Variants in NREP observed in about 807,000 individuals in gnomAD.
The protein encoded by NREP is neuronal regeneration-related protein.
In NREP, 5 loss-of-function variants were observed where a neutral mutation model predicts 8.6. The ratio of observed to expected loss-of-function variants is 0.58; its 90% CI spans 0.30 to 1.22. The LOEUF (loss-of-function observed/expected upper bound fraction) is 1.22, where lower values mean the gene tolerates loss of function less well. NREP is among the 50% of genes most tolerant of loss of function. The pLI, the probability that NREP is intolerant of heterozygous loss-of-function variation, is 0.07. For missense variants in NREP, 86 were observed against 82.5 expected (o/e 1.04, Z -0.17); for synonymous variants, 27 against 28.0 (o/e 0.96, Z 0.11).
At chr5:111,746,169 T>C (rs756317776) in intron 2 of NREP, among the ~76,000 whole-genome samples, 3 of 152,256 alleles carry the variant, frequency 2.0e-5, no homozygotes, top group South Asian at 2.1e-4. Context: ...TCTGATTGAA[T>C]TGATTGATTA....
At chr5:111,869,316 C>T (rs959444439) in intron 2 of NREP, among the ~76,000 whole-genome samples, 4 of 152,122 alleles carry the variant, frequency 2.6e-5, no homozygotes, top group African/African-American at 7.2e-5. Context: ...AATTTCCTTA[C>T]GTTCCATTTG....
chr5:111,852,887 C>T (rs1753343901), intron 2 of NREP, among the ~76,000 whole-genome samples: 2 of 152,118 alleles, frequency 1.3e-5, no homozygotes, highest in South Asian at 2.1e-4. Flanking sequence ...AATCACTAAA[C>T]CTCTCTGTGC....
intron 2 of NREP, among the ~76,000 whole-genome samples, chr5:111,926,396 A>C (rs996933375): frequency 3.9e-5 from 6 of 152,096 alleles, no homozygotes; most frequent in African/African-American, 1.4e-4. Flanking sequence ...ATGGCTGCTA[A>C]AAGAGCTGGG....
In NREP at chr5:111,730,893, A is replaced by G. The variant is rs1055975; in HGVS notation, c.*28T>C. ...ATGACCTCATCAATACCCATACACC[A>G]TATGTAATACAAATGGAGGTGTTAC... is the stretch of plus-strand genomic sequence containing the variant. On this transcript the variant is annotated 3_prime_UTR_variant, in exon 4 of 4. Coordinates refer to ENST00000257435, the MANE Select transcript of NREP (RefSeq NM_004772.4). The G allele has an allele frequency of 0.023, 36,361 of 1,612,420 alleles. 568 individuals carry two copies. The highest frequency in any genetic ancestry group is 0.073 in the Middle Eastern group (428 of 5,894).
intron 2 of NREP, among the ~76,000 whole-genome samples, chr5:111,958,118 T>C (rs1756376017): frequency 1.3e-5 from 2 of 151,920 alleles, no homozygotes; most frequent in Admixed American, 1.3e-4. Flanking sequence ...TATTTTTCAT[T>C]ATATCATAAA....
chr5:111,950,486 G>A (rs561478291), intron 2 of NREP, among the ~76,000 whole-genome samples: 4 of 152,012 alleles, frequency 2.6e-5, no homozygotes, highest in Non-Finnish European at 5.9e-5. Context: ...CATATGCATG[G>A]GCGAAGCCTT....
intron 2 of NREP, among the ~76,000 whole-genome samples, chr5:111,740,288 C>T (rs1477001754): frequency 6.6e-6 from 1 of 151,998 alleles, no homozygotes. Context: ...CAATTTTATG[C>T]TTTTGGGTAT....
Position 111,743,954 on chromosome 5 carries a change from C to G in NREP, c.4-8447G>C, listed in dbSNP as rs116725104. 6.1e-3 allele frequency among the ~76,000 whole-genome samples: 925 copies of G among 152,058 alleles called. 17 individuals are homozygous for G. The highest frequency in any genetic ancestry group is 0.021 in the African/African-American group (884 of 41,496). ...ATGAAAGAATAATTATTCAAAAATACGATTTCTTTTGTTAAAGCCTTCAGT... is the reference window on the plus strand; with the variant it reads ...ATGAAAGAATAATTATTCAAAAATAGGATTTCTTTTGTTAAAGCCTTCAGT... On this transcript the variant is annotated intron_variant, in intron 2 of 3. Coordinates refer to ENST00000257435, the MANE Select transcript of NREP (RefSeq NM_004772.4).
intron 2 of NREP, among the ~76,000 whole-genome samples, chr5:111,753,068 C>A (rs1750463514): frequency 6.6e-6 from 1 of 150,572 alleles, no homozygotes; most frequent in Non-Finnish European, 1.5e-5. Flanking sequence ...CAAAAAAAAA[C>A]ACAAAACTGT....
At chr5:111,875,621 A>G (rs553527378) in intron 2 of NREP, among the ~76,000 whole-genome samples, 1 of 152,346 alleles carries the variant, frequency 6.6e-6, no homozygotes, top group Non-Finnish European at 1.5e-5. Flanking sequence ...CAGTATTACA[A>G]TTTAAAAACA....
At chr5:111,919,973 ACCC>A (rs34120230) in intron 2 of NREP, among the ~76,000 whole-genome samples, 65,781 of 127,522 alleles carry the variant, frequency 0.52, 16,846 homozygotes, top group Non-Finnish European at 0.6. Context: ...TAAAAAGAAT[ACCC>A]CCCCCCCCCA....
Position 111,741,824 on chromosome 5 carries a change from TACACACACAC to T in NREP, c.4-6327_4-6318del, listed in dbSNP as rs112980817. ...CACTGACCTAATTTAAACACACACATACACACACACACACACACACACACACACACACACA... is the reference window on the plus strand; with the variant it reads ...CACTGACCTAATTTAAACACACACATACACACACACACACACACACACACA... On this transcript the variant is annotated intron_variant, in intron 2 of 3. Transcript: ENST00000257435. Among the ~76,000 whole-genome samples the T allele has an allele frequency of 2.6e-3, 188 of 73,486 alleles. 3 individuals are homozygous for T. The East Asian group carries it at 0.048, about 19-fold the overall frequency. The allele number at this position is 73,486 out of a possible 152,430, so 48.2% of individuals were successfully genotyped here.
chr5:111,943,496 C>T (rs1755889238), intron 2 of NREP, among the ~76,000 whole-genome samples: 1 of 152,078 alleles, frequency 6.6e-6, no homozygotes, highest in Non-Finnish European at 1.5e-5. Flanking sequence ...AACTTCTACC[C>T]TGAGCTCCAG....
intron 2 of NREP, among the ~76,000 whole-genome samples, chr5:111,830,141 G>C (rs935141100): frequency 1.3e-5 from 2 of 151,972 alleles, no homozygotes; most frequent in Non-Finnish European, 2.9e-5. Context: ...AAAATGTTAG[G>C]AGTTTTCAGC....
rs147169500 is a variant in NREP, at chr5:111,918,365, T to G, written c.135+56909A>C. Among the ~76,000 whole-genome samples the G allele has an allele frequency of 3.3e-5, 5 of 152,296 alleles. No homozygotes were observed. In the East Asian group the frequency reaches 9.7e-4, roughly 29 times the overall value. On this transcript the variant is annotated intron_variant, in intron 2 of 3. Transcript: ENST00000395634. Reference sequence around the variant, plus strand: ...GAATTAGAAAAAACTACTTTAAATTTTATATGAAACCAGAAAAGCACCCGT... The same window carrying G: ...GAATTAGAAAAAACTACTTTAAATTGTATATGAAACCAGAAAAGCACCCGT...
At chr5:111,967,971 C>T (rs1269225680) in intron 2 of NREP, among the ~76,000 whole-genome samples, 2 of 152,094 alleles carry the variant, frequency 1.3e-5, no homozygotes, top group Non-Finnish European at 1.5e-5. Context: ...GGTGCAATTA[C>T]TTTTGCACCA....
chr5:111,877,396 G>T (rs181487532), intron 2 of NREP, among the ~76,000 whole-genome samples: 1 of 152,100 alleles, frequency 6.6e-6, no homozygotes, highest in Admixed American at 6.6e-5. Flanking sequence ...CTCTATACCT[G>T]TGATTCTTGA....
In NREP at chr5:111,796,435, T is replaced by C. The variant is rs566447444; in HGVS notation, c.136-60928A>G. Among the ~76,000 whole-genome samples the C allele has an allele frequency of 4.7e-4, 71 of 152,300 alleles. 1 individual carries two copies. The highest frequency in any genetic ancestry group is 1.9e-3 in the South Asian group (9 of 4,810). On this transcript the variant is annotated intron_variant, in intron 2 of 3. Transcript: ENST00000395634. ...CTGGTGATTAGAATGTGAATATCTT[T>C]AGGGGATCATTATTCTACCTATCAC...
At chr5:111,919,336 C>T (rs182650509) in intron 2 of NREP, among the ~76,000 whole-genome samples, 1 of 152,114 alleles carries the variant, frequency 6.6e-6, no homozygotes, top group East Asian at 1.9e-4. Flanking sequence ...GGATCTAGAA[C>T]CAGAAATACC....
Sources: gnomAD v4.1 joint callset for allele counts (sites outside exome capture counted in the v4.1 genomes callset) on GRCh38, gnomAD v4.1.1 for gene constraint, MANE v1.5 for transcripts, NCBI Gene and HGNC (gene_info 2026-07-23, HGNC 2026-07-21) for gene names.